CPQ: variants seen among roughly 807,000 people sequenced by gnomAD.
The protein encoded by CPQ is Ser-Met dipeptidase.
A neutral mutation model predicts 45.7 loss-of-function variants in CPQ; 37 were observed. The ratio of observed to expected loss-of-function variants is 0.81; its 90% CI spans 0.62 to 1.07. The LOEUF is 1.07. Among genes scored for constraint, CPQ ranks in the 50% least tolerant of loss-of-function variants. The probability of loss-of-function intolerance (pLI) is 0.00; values close to 1 mark genes in which losing one functional copy is unlikely to be tolerated. For synonymous variants in CPQ, 186 were observed against 205.8 expected (o/e 0.90, Z 0.82); for missense variants, 537 against 572.9 (o/e 0.94, Z 0.64).
chr8:96,812,763 A>G (rs1316424247), intron 2 of CPQ, among the ~76,000 whole-genome samples: 1 of 152,050 alleles, frequency 6.6e-6, no homozygotes, highest in Non-Finnish European at 1.5e-5. Flanking sequence ...ATCAGCTAAG[A>G]GACAAGCAAA....
intron 3 of CPQ, among the ~76,000 whole-genome samples, chr8:96,872,308 G>A (rs1812081769): frequency 2.0e-5 from 3 of 151,888 alleles, no homozygotes; most frequent in South Asian, 4.1e-4. Context: ...ACTGCCACTG[G>A]CCACAGAAGT....
intron 4 of CPQ, among the ~76,000 whole-genome samples, chr8:96,883,265 A>G (rs1331195653): frequency 1.3e-5 from 2 of 152,098 alleles, no homozygotes; most frequent in Non-Finnish European, 2.9e-5. Context: ...TGTGGACTTA[A>G]TGTTTTCCTT....
Position 97,130,887 on chromosome 8 carries a change from G to T in CPQ, c.1256-12133G>T, listed in dbSNP as rs186294480. Among the ~76,000 whole-genome samples, 219 of 146,072 alleles carry T rather than the reference G, an allele frequency of 1.5e-3. 2 individuals carry two copies. Among genetic ancestry groups the T allele is most frequent in the African/African-American group, 5.4e-3 (211 of 39,308 alleles). ...ATGATTTATAGTAGGTTATATTTTA[G>T]AAGGTTTTGTGTCAAAAAAAAAAAT... On this transcript the variant is annotated intron_variant, in intron 7 of 7. Transcript: ENST00000220763.
intron 2 of CPQ, among the ~76,000 whole-genome samples, chr8:96,810,692 G>T (rs1811151009): frequency 6.6e-6 from 1 of 152,126 alleles, no homozygotes; most frequent in Admixed American, 6.5e-5. Context: ...CAACTTTAAG[G>T]GTAGTGTCTG....
chr8:96,840,218 A>T (rs1317738165), intron 3 of CPQ, among the ~76,000 whole-genome samples: 1 of 152,176 alleles, frequency 6.6e-6, no homozygotes, highest in Non-Finnish European at 1.5e-5. Context: ...TGCATGATAT[A>T]TTTGGGTAAA....
chr8:97,021,716 C>T (rs138711455), intron 5 of CPQ, among the ~76,000 whole-genome samples: 48 of 152,186 alleles, frequency 3.2e-4, no homozygotes, highest in African/African-American at 8.2e-4. Context: ...TCATAGACAA[C>T]GCAAACAAAT....
chr8:97,111,310 G>T (rs1042416484), intron 7 of CPQ, among the ~76,000 whole-genome samples: 4 of 152,144 alleles, frequency 2.6e-5, no homozygotes, highest in Non-Finnish European at 5.9e-5. Flanking sequence ...GTCTATGAAG[G>T]CTTCCCAGCT....
At chr8:96,969,395 C>T (rs1813623746) in intron 5 of CPQ, among the ~76,000 whole-genome samples, 1 of 151,790 alleles carries the variant, frequency 6.6e-6, no homozygotes, top group African/African-American at 2.4e-5. Flanking sequence ...CCTTTAAGTC[C>T]TTGAAGTAGG....
At chr8:97,083,082 G>A (rs1240403787) in intron 7 of CPQ, among the ~76,000 whole-genome samples, 1 of 152,108 alleles carries the variant, frequency 6.6e-6, no homozygotes, top group Non-Finnish European at 1.5e-5. Context: ...TTAACTTCCT[G>A]GAGCTTCAGT....
At chr8:97,086,423 A>G (rs890271704) in intron 7 of CPQ, among the ~76,000 whole-genome samples, 2 of 152,168 alleles carry the variant, frequency 1.3e-5, no homozygotes, top group African/African-American at 4.8e-5. Context: ...AATTGGGGCT[A>G]AAACCAGCTG....
At chr8:96,981,408 C>T (rs962421596) in intron 5 of CPQ, among the ~76,000 whole-genome samples, 5 of 152,142 alleles carry the variant, frequency 3.3e-5, no homozygotes, top group African/African-American at 7.2e-5. Flanking sequence ...CTGTTCTCAT[C>T]GCCAATCACC....
intron 3 of CPQ, among the ~76,000 whole-genome samples, chr8:96,871,212 A>G (rs913108604): frequency 3.9e-5 from 6 of 152,020 alleles, no homozygotes; most frequent in African/African-American, 1.2e-4. Context: ...ATATGTGTCT[A>G]TTGCCTCAAA....
At chr8:96,896,669 A>G (rs1177510878) in intron 4 of CPQ, among the ~76,000 whole-genome samples, 5 of 152,240 alleles carry the variant, frequency 3.3e-5, no homozygotes, top group East Asian at 1.9e-4. Flanking sequence ...CCCATATACA[A>G]TGTTTCTCTC....
At chr8:97,042,159 C>T (rs1369978633) in intron 6 of CPQ, among the ~76,000 whole-genome samples, 7 of 152,342 alleles carry the variant, frequency 4.6e-5, no homozygotes, top group African/African-American at 1.7e-4. Context: ...GCCACAATTT[C>T]AGAGCCTGTT....
chr8:96,705,204 A>C (rs935870647), intron 1 of CPQ, among the ~76,000 whole-genome samples: 3 of 152,148 alleles, frequency 2.0e-5, no homozygotes, highest in Non-Finnish European at 4.4e-5. Context: ...CTCTCTAATA[A>C]GACTCTATTT....
At chr8:96,681,235 G>A (rs1252999791) in intron 1 of CPQ, among the ~76,000 whole-genome samples, 1 of 152,198 alleles carries the variant, frequency 6.6e-6, no homozygotes, top group East Asian at 1.9e-4. Flanking sequence ...AGTCTTCATG[G>A]TAGCCCCTCC....
In CPQ at chr8:96,862,537, G is replaced by A. The variant is rs140531611; in HGVS notation, c.642-17261G>A. On this transcript the variant is annotated intron_variant, in intron 3 of 7. Coordinates refer to ENST00000220763, the MANE Select transcript of CPQ (RefSeq NM_016134.4). ...TAGGAATATGGAGTTACTTTGATAG[G>A]CATTGGAAAGCCATTGAAGACTTTT... 7.6e-4 allele frequency among the ~76,000 whole-genome samples: 115 copies of A among 152,062 alleles called. 1 individual carries two copies. The highest frequency in any genetic ancestry group is 2.7e-3 in the African/African-American group (111 of 41,512).
intron 4 of CPQ, among the ~76,000 whole-genome samples, chr8:96,944,983 C>T (rs1324708200): frequency 1.3e-5 from 2 of 152,170 alleles, no homozygotes; most frequent in East Asian, 1.9e-4. Context: ...CCCCAGCGCT[C>T]ATCATCATGT....
intron 1 of CPQ, among the ~76,000 whole-genome samples, chr8:96,768,280 G>A (rs1810494680): frequency 6.7e-6 from 1 of 148,494 alleles, no homozygotes; most frequent in Admixed American, 6.7e-5. Flanking sequence ...AATCTATTTG[G>A]CTTAACACTT....
Sources: gnomAD v4.1 joint callset for allele counts (sites outside exome capture counted in the v4.1 genomes callset) on GRCh38, gnomAD v4.1.1 for gene constraint, MANE v1.5 for transcripts, NCBI Gene and HGNC (gene_info 2026-07-23, HGNC 2026-07-21) for gene names.